Variants in NUP43 observed in about 807,000 individuals in gnomAD.
NUP43 encodes the protein nucleoporin Nup43.
In NUP43, 32 loss-of-function variants were observed where a neutral mutation model predicts 47.3. That is an observed-to-expected ratio of 0.68 (90% CI 0.51 to 0.91). The LOEUF is 0.91. NUP43 is among the 40% of genes least tolerant of loss of function. NUP43 has a pLI of 0.00. For missense variants in NUP43, 444 were observed against 453.9 expected (o/e 0.98, Z 0.20); for synonymous variants, 147 against 158.4 (o/e 0.93, Z 0.54).
chr6:149,748,996 G>A (rs1313172756), upstream of NUP43, among the ~76,000 whole-genome samples: 3 of 152,140 alleles, frequency 2.0e-5, no homozygotes, highest in Non-Finnish European at 4.4e-5. Context: ...GCTTAATTAG[G>A]TGGAAATGCA....
chr6:149,728,203 G>C, intron 7 of NUP43: 1 of 984,338 alleles, frequency 1.0e-6, no homozygotes, highest in Non-Finnish European at 1.2e-6. Context: ...TATGTCTTAA[G>C]AGCAGGATGC....
At chr6:149,742,271 C>T (rs1192421360) in intron 4 of NUP43, 119 bp downstream of exon 4, 19 of 828,966 alleles carry the variant, frequency 2.3e-5, no homozygotes, top group Non-Finnish European at 3.2e-5. Flanking sequence ...GGTGATCCAC[C>T]TGCCTCGGCC....
chr6:149,736,036 A>G (rs1445210814), intron 6 of NUP43, among the ~76,000 whole-genome samples: 4 of 149,228 alleles, frequency 2.7e-5, no homozygotes, highest in African/African-American at 7.4e-5. Context: ...CCAGCACTTT[A>G]GGAGGCCGAG....
intron 6 of NUP43, among the ~76,000 whole-genome samples, chr6:149,732,227 A>C (rs1785091547): frequency 6.6e-6 from 1 of 151,788 alleles, no homozygotes; most frequent in South Asian, 2.1e-4. Flanking sequence ...AAGCCAACTA[A>C]ATTTGCGTAC....
chr6:149,744,912 T>A (rs998995204), intron 2 of NUP43, among the ~76,000 whole-genome samples: 1 of 150,404 alleles, frequency 6.6e-6, no homozygotes, highest in Non-Finnish European at 1.5e-5. Flanking sequence ...TTTATTTATT[T>A]ATTATTATTA....
rs936942794 is a variant in NUP43, at chr6:149,730,008, G to A, written c.913+1605C>T. 5.3e-5 allele frequency among the ~76,000 whole-genome samples: 8 copies of A among 150,110 alleles called. No individual in the cohort carries two copies. In the South Asian group the frequency reaches 6.3e-4, roughly 12 times the overall value. ...CAACTGACTGTAATGAGGAAAGCACGCCCTTTTTTTTTTTTTTTGAGACGG... is the reference window on the plus strand; with the variant it reads ...CAACTGACTGTAATGAGGAAAGCACACCCTTTTTTTTTTTTTTTGAGACGG... On this transcript the variant is annotated intron_variant, in intron 7 of 7. Transcript: ENST00000340413.
In NUP43 at chr6:149,726,852, G is replaced by C; in HGVS notation, c.*117C>G. The C allele has an allele frequency of 1.3e-6, 1 of 743,046 alleles. No homozygotes were observed. The highest frequency in any genetic ancestry group is 2.3e-6 in the Non-Finnish European group (1 of 440,572). The allele number at this position is 743,046 out of a possible 1,614,324, so 46.0% of individuals were successfully genotyped here. A position where few individuals can be genotyped will look rare whatever the true frequency, so the allele number is the denominator to read the frequency against. On this transcript the variant is annotated 3_prime_UTR_variant, in exon 8 of 8. Transcript: ENST00000340413. ...AAACTGGGCATTGACATTAATGGTAGTTTACTGATGTTTCCCCTGCAAATC... is the reference window on the plus strand; with the variant it reads ...AAACTGGGCATTGACATTAATGGTACTTTACTGATGTTTCCCCTGCAAATC...
chr6:149,734,779 C>T (rs1399429286), intron 6 of NUP43, among the ~76,000 whole-genome samples: 1 of 115,302 alleles, frequency 8.7e-6, no homozygotes, highest in Non-Finnish European at 1.7e-5. Flanking sequence ...GCCTGGGCGA[C>T]AGAACAAGAC....
chr6:149,731,582 ACAC>A, intron 7 of NUP43, 28 bp downstream of exon 7: 1 of 1,536,210 alleles, frequency 6.5e-7, no homozygotes, highest in East Asian at 2.3e-5. Context: ...AAAAAAAAGT[ACAC>A]ATAACAGTAT....
intron 5 of NUP43, among the ~76,000 whole-genome samples, chr6:149,737,537 T>C (rs1322920894): frequency 6.6e-6 from 1 of 152,174 alleles, no homozygotes; most frequent in Non-Finnish European, 1.5e-5. Context: ...ATGTTGGGAT[T>C]ACAGGCATGA....
chr6:149,733,467 A>G (rs1582964852), intron 6 of NUP43, among the ~76,000 whole-genome samples: 1 of 152,170 alleles, frequency 6.6e-6, no homozygotes, highest in South Asian at 2.1e-4. Context: ...TTTTTGAAAC[A>G]GGGTCTTGCT....
chr6:149,741,656 C>T (rs1471393550), intron 4 of NUP43, among the ~76,000 whole-genome samples: 1 of 151,790 alleles, frequency 6.6e-6, no homozygotes, highest in Non-Finnish European at 1.5e-5. Flanking sequence ...CAGATGCACA[C>T]CACCTCACCC....
intron 7 of NUP43, among the ~76,000 whole-genome samples, chr6:149,730,171 G>A (rs1175956039): frequency 2.6e-5 from 4 of 151,992 alleles, no homozygotes; most frequent in East Asian, 1.9e-4. Flanking sequence ...CACCACACCC[G>A]GCTAATTTTG....
intron 4 of NUP43, among the ~76,000 whole-genome samples, chr6:149,740,755 A>G (rs918484164): frequency 6.6e-6 from 1 of 152,232 alleles, no homozygotes; most frequent in Non-Finnish European, 1.5e-5. Context: ...TGGCTGAAGC[A>G]TAGTTCAGAA....
Position 149,737,837 on chromosome 6 carries a change from C to A in NUP43, c.638+806G>T, listed in dbSNP as rs141319460. On this transcript the variant is annotated intron_variant, in intron 5 of 7. Transcript: ENST00000340413. ...TCCTGAGTAGCGGGGTCTATAGGCA[C>A]GTGCCACCATGCCTGGCTAGTTTTT... Among the ~76,000 whole-genome samples the A allele has an allele frequency of 2.2e-4, 34 of 152,144 alleles. 1 individual carries two copies. The highest frequency in any genetic ancestry group is 7.5e-4 in the African/African-American group (31 of 41,514).
intron 1 of NUP43, 64 bp downstream of exon 1, chr6:149,746,312 G>A (rs1281620083): frequency 1.3e-6 from 2 of 1,590,076 alleles, no homozygotes; most frequent in Non-Finnish European, 1.7e-6. Flanking sequence ...CGCGCGGAAG[G>A]CCAGGGGTCA....
intron 5 of NUP43, among the ~76,000 whole-genome samples, 161 bp from the exon 6 acceptor site, chr6:149,736,783 G>A (rs1316370677): frequency 6.6e-6 from 1 of 152,172 alleles, no homozygotes; most frequent in African/African-American, 2.4e-5. Context: ...CAAACTCCCT[G>A]GGCTCAGGTA....
intron 6 of NUP43, among the ~76,000 whole-genome samples, chr6:149,735,929 C>T (rs1383394588): frequency 1.3e-5 from 2 of 149,252 alleles, no homozygotes; most frequent in Admixed American, 6.8e-5. Context: ...GCCGTGACTG[C>T]ACCACTGCAC....
rs1328677042 is a variant in NUP43, at chr6:149,727,218, G to C, written c.914-20C>G. Reference sequence around the variant, plus strand: ...TTCCTCCTGGGAGAAAAAAAGAAAAGGAAGAAATCTTTCAAGATGATTTTT... The same window carrying C: ...TTCCTCCTGGGAGAAAAAAAGAAAACGAAGAAATCTTTCAAGATGATTTTT... On this transcript the variant is annotated intron_variant, in intron 7 of 7. Coordinates refer to ENST00000340413, the MANE Select transcript of NUP43 (RefSeq NM_198887.3). 1.4e-5 allele frequency: 22 copies of C among 1,602,792 alleles called. No individual in the cohort carries two copies. Among genetic ancestry groups the C allele is most frequent in the Non-Finnish European group, 1.8e-5 (21 of 1,173,358 alleles).
Sources: gnomAD v4.1 joint callset for allele counts (sites outside exome capture counted in the v4.1 genomes callset) on GRCh38, gnomAD v4.1.1 for gene constraint, MANE v1.5 for transcripts, NCBI Gene and HGNC (gene_info 2026-07-23, HGNC 2026-07-21) for gene names.